Variants in PGD observed in about 807,000 individuals in gnomAD.
PGD encodes the protein phosphogluconate dehydrogenase.
In PGD, 21 loss-of-function variants were observed where a neutral mutation model predicts 60.4. That is an observed-to-expected ratio of 0.35 (90% CI 0.25 to 0.50). The LOEUF (loss-of-function observed/expected upper bound fraction) is 0.50. Ranked by LOEUF, PGD falls within the 20% of genes least tolerant of loss-of-function variation. The pLI is 0.98. For missense variants in PGD, 477 were observed against 613.1 expected (o/e 0.78, Z 2.34); for synonymous variants, 230 against 235.9 (o/e 0.97, Z 0.23).
chr1:10,418,943 G>C lies in PGD; in HGVS notation c.1209+18G>C. ...ACTGCCAGGTATGTAGCCTAGGGCT[G>C]GTGCCATGGTTACTCTACCTCCCTG... On this transcript the variant is annotated intron_variant, in intron 11 of 12. Transcript: ENST00000270776. 1 of 1,359,592 alleles carries C rather than the reference G, an allele frequency of 7.4e-7. No individual in the cohort carries two copies. The highest frequency in any genetic ancestry group is 1.1e-6 in the Non-Finnish European group (1 of 950,166). The allele number at this position is 1,359,592 out of a possible 1,614,324, so 84.2% of individuals were successfully genotyped here. A position where few individuals can be genotyped will look rare whatever the true frequency, so the allele number is the denominator to read the frequency against.
chr1:10,408,655 T>C (rs990216290), intron 6 of PGD, among the ~76,000 whole-genome samples: 3 of 152,112 alleles, frequency 2.0e-5, no homozygotes, highest in African/African-American at 7.2e-5. Context: ...CTAACCTAGT[T>C]CATAGTACAG....
At chr1:10,418,166 C>T (rs1229391793) in intron 10 of PGD, among the ~76,000 whole-genome samples, 1 of 152,250 alleles carries the variant, frequency 6.6e-6, no homozygotes, top group African/African-American at 2.4e-5. Context: ...ACATCGTTCT[C>T]ATGTTGGCTG....
chr1:10,418,998 GTT>G (rs560774763), intron 11 of PGD, 73 bp downstream of exon 11: 177 of 676,666 alleles, frequency 2.6e-4, no homozygotes, highest in East Asian at 4.7e-4. Flanking sequence ...TTGGTTTTTT[GTT>G]TTTTTTTTTT....
At chr1:10,408,829 A>C in intron 6 of PGD, among the ~76,000 whole-genome samples, 1 of 152,136 alleles carries the variant, frequency 6.6e-6, no homozygotes, top group East Asian at 1.9e-4. Context: ...GGCTGGTCTC[A>C]AACTCCTGGA....
In PGD at chr1:10,400,506, GA is replaced by G. The variant is rs751868888; in HGVS notation, c.200del (p.Lys67SerfsTer9). 1 of 1,614,006 alleles carries G rather than the reference GA, an allele frequency of 6.2e-7. No homozygotes were observed. Among genetic ancestry groups the G allele is most frequent in the Non-Finnish European group, 8.5e-7 (1 of 1,180,018 alleles). On this transcript the variant is annotated frameshift_variant, in exon 3 of 13. Transcript: ENST00000270776. LOFTEE classifies it high-confidence loss of function. The stretch of plus-strand genomic sequence containing the variant: ...TGAAAGAGATGGTCTCCAAGCTGAA[GA>G]AGCCCCGGCGGATCATCCTCCTGGT... ...SLKEMVSKLK[K>X]PRRIILLVKA...
At chr1:10,416,068 G>A (rs775354710) in intron 8 of PGD, among the ~76,000 whole-genome samples, 43 of 152,204 alleles carry the variant, frequency 2.8e-4, no homozygotes, top group Non-Finnish European at 5.6e-4. Context: ...CCAACACTGA[G>A]TATTCTACAT....
At chr1:10,417,555 C>T in intron 10 of PGD, 46 bp downstream of exon 10, 1 of 1,569,998 alleles carries the variant, frequency 6.4e-7, no homozygotes, top group Non-Finnish European at 8.6e-7. Context: ...ACTCACACGG[C>T]TGTGCAGAAG....
intron 1 of PGD, 118 bp downstream of exon 1, chr1:10,399,243 T>C (rs1349090936): frequency 2.8e-5 from 34 of 1,206,446 alleles, no homozygotes; most frequent in East Asian, 1.0e-4. Context: ...CTGAGCTCAC[T>C]TGGGGCTCTG....
chr1:10,408,170 T>C lies in PGD; in HGVS notation c.519+30T>C, dbSNP rs745748152. On this transcript the variant is annotated intron_variant, in intron 6 of 12. Coordinates refer to ENST00000270776, the MANE Select transcript of PGD (RefSeq NM_002631.4). ...GTTCTGGGCTACTCTTTAAAGCCAA[T>C]TGGCAACATGGGCGTGTCTAAGTGA... 18 of 1,284,964 alleles carry C rather than the reference T, an allele frequency of 1.4e-5. No homozygotes were observed. The Middle Eastern group carries it at 5.5e-4, about 39-fold the overall frequency. The allele number at this position is 1,284,964 out of a possible 1,614,324, so 79.6% of individuals were successfully genotyped here. A position where few individuals can be genotyped will look rare whatever the true frequency, so the allele number is the denominator to read the frequency against.
Position 10,399,144 on chromosome 1 carries a change from G to T in PGD, c.8+19G>T. On this transcript the variant is annotated intron_variant, in intron 1 of 12. Transcript: ENST00000270776. Reference sequence around the variant, plus strand: ...TGGCCCAGTGAGTGACTCGCCAGGGGCAGCCCGGCTCGGCCTCAGCGGGCG... The same window carrying T: ...TGGCCCAGTGAGTGACTCGCCAGGGTCAGCCCGGCTCGGCCTCAGCGGGCG... 1 of 1,608,210 alleles carries T rather than the reference G, an allele frequency of 6.2e-7. No homozygotes were observed.
chr1:10,416,957 C>T (rs1318090233), intron 8 of PGD, 30 bp from the exon 9 acceptor site: 1 of 1,608,952 alleles, frequency 6.2e-7, no homozygotes, highest in African/African-American at 1.3e-5. Context: ...TGACAGTAAT[C>T]TGTTTCCTCT....
At chr1:10,399,256 A>T in intron 1 of PGD, 131 bp downstream of exon 1, 4 of 1,067,160 alleles carry the variant, frequency 3.7e-6, no homozygotes, top group Non-Finnish European at 5.4e-6. Context: ...GGGCTCTGTG[A>T]CCCTGGCCCT....
chr1:10,402,968 A>G, intron 3 of PGD, 103 bp from the exon 4 acceptor site: 1 of 835,800 alleles, frequency 1.2e-6, no homozygotes, highest in Non-Finnish European at 2.1e-6. Flanking sequence ...ACAGAACGAG[A>G]CTCTTTTTAG....
At chr1:10,402,775 G>A (rs571660691) in intron 3 of PGD, among the ~76,000 whole-genome samples, 1 of 151,250 alleles carries the variant, frequency 6.6e-6, no homozygotes, top group Non-Finnish European at 1.5e-5. Context: ...CACCCACCTC[G>A]GCCTCCCAAA....
At chr1:10,413,009 C>T (rs1569986863) in intron 7 of PGD, 53 bp from the exon 8 acceptor site, 1 of 1,504,484 alleles carries the variant, frequency 6.6e-7, no homozygotes, top group East Asian at 2.3e-5. Flanking sequence ...AAGGGGCTTC[C>T]TTGCTCAGCC....
intron 4 of PGD, among the ~76,000 whole-genome samples, chr1:10,403,590 GAAAAAAAAA>G (rs71583866): frequency 6.0e-5 from 4 of 67,146 alleles, no homozygotes; most frequent in African/African-American, 2.3e-4. Flanking sequence ...AACTCCATCT[GAAAAAAAAA>G]AAAAAAAAAA....
At chr1:10,399,152 G>T in intron 1 of PGD, 27 bp downstream of exon 1, 1 of 1,607,386 alleles carries the variant, frequency 6.2e-7, no homozygotes. Flanking sequence ...GGGCAGCCCG[G>T]CTCGGCCTCA....
intron 8 of PGD, among the ~76,000 whole-genome samples, chr1:10,414,415 C>T (rs1639559139): frequency 1.3e-5 from 2 of 152,002 alleles, no homozygotes; most frequent in African/African-American, 4.8e-5. Flanking sequence ...TGCTCTGTCA[C>T]CCAGGCTGGA....
In PGD at chr1:10,400,385, C is replaced by T. The variant is rs1475403588; in HGVS notation, c.85-8C>T. 10 of 1,604,376 alleles carry T rather than the reference C, an allele frequency of 6.2e-6. No homozygotes were observed. In the East Asian group the frequency reaches 1.3e-4, roughly 21 times the overall value. ...TGGATCTCCTACTCAGGACTTTTGT[C>T]CTTCTAGGTCTGTGCTTTTAATAGG... is the stretch of plus-strand genomic sequence containing the variant. On this transcript the variant is annotated splice_region_variant and splice_polypyrimidine_tract_variant and intron_variant, in intron 2 of 12. Coordinates refer to ENST00000270776, the MANE Select transcript of PGD (RefSeq NM_002631.4).
Sources: allele counts gnomAD v4.1 joint callset (sites outside exome capture counted in the v4.1 genomes callset), GRCh38; gene constraint gnomAD v4.1.1; transcripts MANE v1.5; gene names NCBI Gene and HGNC (gene_info 2026-07-23, HGNC 2026-07-21).